Variants in GALM observed in about 807,000 individuals in gnomAD.
GALM encodes aldose 1-epimerase.
A neutral mutation model predicts 37.4 loss-of-function variants in GALM; 43 were observed. That is an observed-to-expected ratio of 1.15 (90% confidence interval 0.90 to 1.48). GALM has a LOEUF of 1.48. GALM is among the 40% of genes most tolerant of loss of function. GALM has a pLI of 0.00. For synonymous variants in GALM, 199 were observed against 170.6 expected, an observed-to-expected ratio of 1.17 and a Z score of -1.30; for missense variants, 456 against 419.1, an observed-to-expected ratio of 1.09 and a Z score of -0.77.
chr2:38,690,209 C>T (rs974196337), intron 4 of GALM, among the ~76,000 whole-genome samples: 25 of 152,136 alleles, frequency 1.6e-4, no homozygotes, highest in Admixed American at 1.4e-3. Flanking sequence ...CGGTGGCTCA[C>T]GCCTGTAATC....
chr2:38,670,994 TGGTCCTTG>T (rs758971627), intron 1 of GALM, among the ~76,000 whole-genome samples: 9 of 152,170 alleles, frequency 5.9e-5, no homozygotes, highest in Non-Finnish European at 1.2e-4. Context: ...TGTCACAGTG[TGGTCCTTG>T]GGTTGTTAGA....
At chr2:38,686,669 T>C (rs186415980) in intron 3 of GALM, among the ~76,000 whole-genome samples, 29 of 152,252 alleles carry the variant, frequency 1.9e-4, no homozygotes, top group Admixed American at 4.6e-4. Context: ...GATACAGTCA[T>C]ACAACGGAAT....
At chr2:38,677,299 T>C (rs570555697) in intron 2 of GALM, among the ~76,000 whole-genome samples, 6 of 152,296 alleles carry the variant, frequency 3.9e-5, no homozygotes, top group African/African-American at 1.2e-4. Flanking sequence ...GACAGGAACA[T>C]GTATGGCCAC....
intron 6 of GALM, 38 bp from the exon 7 acceptor site, chr2:38,733,450 C>A: frequency 6.5e-7 from 1 of 1,538,092 alleles, no homozygotes; most frequent in Non-Finnish European, 9.0e-7. Flanking sequence ...TTGCAGCCTG[C>A]GGTGTCAAGC....
rs780730472 is a variant in GALM at position 38,731,788 on chromosome 2, G to A, written c.830G>A (p.Gly277Glu). ...RVLEVYTTQPGVQFYTGNFLD... is the reference protein window; with the variant it reads ...RVLEVYTTQPEVQFYTGNFLD... Reference sequence around the variant, plus strand: ...CTAGAAGTATACACCACCCAGCCCGGGGTCCAGTTTTACACGGGCAACTTC... The same window carrying A: ...CTAGAAGTATACACCACCCAGCCCGAGGTCCAGTTTTACACGGGCAACTTC... The change falls in exon 6 of 7, where the codon GGG (glycine) becomes GAG (glutamate). Residue 277 changes from glycine (G) to glutamate (E), a missense_variant. Transcript: ENST00000272252. 1 of 1,614,006 alleles carries A rather than the reference G, an allele frequency of 6.2e-7. No homozygotes were observed. Among genetic ancestry groups the A allele is most frequent in the Non-Finnish European group, 8.5e-7 (1 of 1,179,918 alleles).
At chr2:38,700,995 T>C (rs1413903065) in intron 4 of GALM, among the ~76,000 whole-genome samples, 1 of 152,222 alleles carries the variant, frequency 6.6e-6, no homozygotes, top group African/African-American at 2.4e-5. Flanking sequence ...GCTGGTCTAG[T>C]GGTGATGAAT....
intron 4 of GALM, among the ~76,000 whole-genome samples, chr2:38,727,848 C>G (rs763032171): frequency 6.6e-6 from 1 of 152,034 alleles, no homozygotes; most frequent in Non-Finnish European, 1.5e-5. Context: ...AAATGACTGG[C>G]AATTGGTTCT....
intron 3 of GALM, among the ~76,000 whole-genome samples, chr2:38,685,839 T>G (rs1665503748): frequency 6.6e-6 from 1 of 152,072 alleles, no homozygotes; most frequent in Non-Finnish European, 1.5e-5. Context: ...CGCCTCAGCC[T>G]CTGGAGTAGC....
chr2:38,670,105 C>T (rs910314514), intron 1 of GALM, among the ~76,000 whole-genome samples: 1 of 151,894 alleles, frequency 6.6e-6, no homozygotes, highest in African/African-American at 2.4e-5. Context: ...CTCAAGTGAT[C>T]CACCTACCTC....
intron 3 of GALM, among the ~76,000 whole-genome samples, chr2:38,684,406 C>G (rs1255233966): frequency 6.6e-6 from 1 of 151,926 alleles, no homozygotes; most frequent in Admixed American, 6.6e-5. Flanking sequence ...GGTGTGGTGG[C>G]TCATGCCTGT....
intron 1 of GALM, 61 bp downstream of exon 1, chr2:38,666,412 G>C: frequency 7.8e-7 from 1 of 1,282,534 alleles, no homozygotes; most frequent in Non-Finnish European, 1.1e-6. Context: ...ATACCTCCCG[G>C]ATCTAGCGGG....
chr2:38,714,987 TG>T (rs1341382673), intron 4 of GALM, among the ~76,000 whole-genome samples: 9 of 152,176 alleles, frequency 5.9e-5, no homozygotes, highest in Admixed American at 6.5e-5. Flanking sequence ...GGCCTATAGT[TG>T]GATTTTTTTC....
At chr2:38,694,599 A>G (rs1298737068) in intron 4 of GALM, among the ~76,000 whole-genome samples, 1 of 152,200 alleles carries the variant, frequency 6.6e-6, no homozygotes, top group African/African-American at 2.4e-5. Context: ...TCAGTCTGAC[A>G]AGAAAGGGAA....
At chr2:38,693,418 G>A (rs1055652688) in intron 4 of GALM, among the ~76,000 whole-genome samples, 2 of 151,230 alleles carry the variant, frequency 1.3e-5, no homozygotes, top group Admixed American at 6.6e-5. Flanking sequence ...AGAAGGCAGA[G>A]GTTGCAGTGA....
intron 1 of GALM, among the ~76,000 whole-genome samples, chr2:38,674,118 T>A (rs1410179619): frequency 6.6e-6 from 1 of 152,090 alleles, no homozygotes; most frequent in Non-Finnish European, 1.5e-5. Context: ...TAGTCCTTGT[T>A]TAGGTTGCTA....
intron 2 of GALM, among the ~76,000 whole-genome samples, chr2:38,677,899 C>G (rs1046359022): frequency 4.1e-4 from 62 of 151,934 alleles, no homozygotes; most frequent in Non-Finnish European, 6.8e-4. Context: ...GAAATAGCAG[C>G]CTAGGAGATA....
chr2:38,670,558 T>G (rs1665075041), intron 1 of GALM, among the ~76,000 whole-genome samples: 2 of 152,264 alleles, frequency 1.3e-5, no homozygotes. Flanking sequence ...TTACTTAAAC[T>G]CTCCAGACCT....
intron 1 of GALM, among the ~76,000 whole-genome samples, chr2:38,673,577 G>A (rs558229311): frequency 7.2e-5 from 11 of 152,230 alleles, no homozygotes; most frequent in African/African-American, 2.2e-4. Context: ...ATATGGGGCC[G>A]GGGCGGGTGG....
rs376275073 is a variant in GALM, at chr2:38,733,610, C to G, written c.*45C>G. The G allele has an allele frequency of 5.9e-6, 8 of 1,345,022 alleles. No individual in the cohort carries two copies. Among genetic ancestry groups the G allele is most frequent in the Non-Finnish European group, 8.5e-6 (8 of 936,082 alleles). The allele number at this position is 1,345,022 out of a possible 1,614,324, so 83.3% of individuals were successfully genotyped here. On this transcript the variant is annotated 3_prime_UTR_variant, in exon 7 of 7. Coordinates refer to ENST00000272252, the MANE Select transcript of GALM (RefSeq NM_138801.3). ...CCAGTCCAGGGCTAGGCTCAGCCAC[C>G]TGTCTCCTGTCCAGAAAAAAGGTGA...
Sources: gnomAD v4.1 joint callset for allele counts (sites outside exome capture counted in the v4.1 genomes callset) on GRCh38, gnomAD v4.1.1 for gene constraint, MANE v1.5 for transcripts, NCBI Gene and HGNC (gene_info 2026-07-23, HGNC 2026-07-21) for gene names.